The following GRM8 variants were observed in gnomAD, a reference collection of about 807,000 sequenced individuals.
GRM8 encodes glutamate metabotropic receptor 8.
GRM8 carries 47 observed loss-of-function variants against 87.2 expected under a neutral mutation model. The observed-to-expected ratio is 0.54, with a 90% CI of 0.43 to 0.69. GRM8 has a LOEUF of 0.69. Ranked by LOEUF, GRM8 falls within the 30% of genes least tolerant of loss-of-function variation. The probability of loss-of-function intolerance (pLI) is 0.00; values close to 1 mark genes in which losing one functional copy is unlikely to be tolerated. For missense variants in GRM8, 1,019 were observed against 1,139.2 expected (o/e 0.89, Z 1.52); for synonymous variants, 396 against 404.5 (o/e 0.98, Z 0.25).
chr7:126,451,837 G>C (rs907689622), intron 9 of GRM8, among the ~76,000 whole-genome samples: 11 of 151,622 alleles, frequency 7.3e-5, no homozygotes, highest in African/African-American at 2.7e-4. Flanking sequence ...GACCTTTCCT[G>C]AACACACCAT....
At chr7:126,701,685 T>A (rs1272012628) in intron 7 of GRM8, 4 of 511,842 alleles carry the variant, frequency 7.8e-6, no homozygotes, top group African/African-American at 6.0e-5. Context: ...TTGTGAGAAT[T>A]TTTTTTTAGT....
intron 7 of GRM8, among the ~76,000 whole-genome samples, chr7:126,737,073 T>C (rs1183371756): frequency 6.6e-6 from 1 of 152,044 alleles, no homozygotes. Context: ...CTAGACTGCC[T>C]TTGTAGGACT....
At chr7:126,645,068 C>G (rs939515925) in intron 7 of GRM8, among the ~76,000 whole-genome samples, 3 of 152,200 alleles carry the variant, frequency 2.0e-5, no homozygotes, top group Non-Finnish European at 4.4e-5. Context: ...TATAGTTTAA[C>G]TTGAAAGCTA....
chr7:126,610,330 C>G (rs1437705256), intron 7 of GRM8, among the ~76,000 whole-genome samples: 1 of 152,176 alleles, frequency 6.6e-6, no homozygotes, highest in Non-Finnish European at 1.5e-5. Flanking sequence ...CTTTCCTTTT[C>G]TCTAACAGCT....
At chr7:126,993,322 A>G (rs1812858328) in intron 3 of GRM8, among the ~76,000 whole-genome samples, 1 of 152,224 alleles carries the variant, frequency 6.6e-6, no homozygotes, top group African/African-American at 2.4e-5. Context: ...AATGTGGTAT[A>G]TACATACAAT....
chr7:127,220,559 A>C (rs1234643664), intron 2 of GRM8, among the ~76,000 whole-genome samples: 2 of 152,096 alleles, frequency 1.3e-5, no homozygotes, highest in Admixed American at 1.3e-4. Context: ...ATCATGGCTC[A>C]CTATAGCCTC....
chr7:126,471,266 A>G (rs1436383284), intron 9 of GRM8, among the ~76,000 whole-genome samples: 2 of 152,148 alleles, frequency 1.3e-5, no homozygotes, highest in East Asian at 1.9e-4. Flanking sequence ...GTCCTTGCCC[A>G]TGCCTATGTC....
rs778347268 is a variant in GRM8 at position 127,243,048 on chromosome 7, G to A, written c.157C>T (p.Pro53Ser). The change falls in exon 2 of 11, where the codon CCT becomes TCT. Residue 53 changes from proline (P) to serine (S), a missense_variant. Physicochemically the swap from Pro to Ser is moderately conservative, Grantham distance 74. Transcript: ENST00000339582. ...DGDIILGGLF[P>S]VHAKGERGVP... ...CCTCTCTCTCCCTTTGCGTGGACAG[G>A]GAAGAGACCCCCCAAAATAATGTCC... 2 of 1,614,012 alleles carry A rather than the reference G, an allele frequency of 1.2e-6. No homozygotes were observed. Among genetic ancestry groups the A allele is most frequent in the East Asian group, 2.2e-5 (1 of 44,864 alleles).
Position 127,236,738 on chromosome 7 carries a change from ACTT to A in GRM8, c.510+5954_510+5956del, listed in dbSNP as rs1798001335. ...ATACAAGAAAAATAAACAAAATTAT[ACTT>A]CTTTCCTATCTATTCAACACATATT... On this transcript the variant is annotated intron_variant, in intron 2 of 10. Transcript: ENST00000339582. 2.6e-5 allele frequency among the ~76,000 whole-genome samples: 4 copies of A among 152,306 alleles called. No individual in the cohort carries two copies. In the South Asian group the frequency reaches 8.3e-4, roughly 32 times the overall value.
chr7:126,706,553 G>C (rs935646538), intron 7 of GRM8, among the ~76,000 whole-genome samples: 2 of 152,140 alleles, frequency 1.3e-5, no homozygotes, highest in Admixed American at 6.6e-5. Context: ...ATTAGGAAGA[G>C]TAGTCTGCCT....
chr7:126,510,318 A>G (rs1187662976), intron 9 of GRM8, among the ~76,000 whole-genome samples: 1 of 151,908 alleles, frequency 6.6e-6, no homozygotes, highest in Non-Finnish European at 1.5e-5. Context: ...AATGAACTCA[A>G]TATGATTTAA....
At chr7:127,203,567 G>A (rs1405878781) in intron 2 of GRM8, among the ~76,000 whole-genome samples, 1 of 152,130 alleles carries the variant, frequency 6.6e-6, no homozygotes, top group Non-Finnish European at 1.5e-5. Flanking sequence ...AATTAGCCAG[G>A]GATGGTGGTA....
At chr7:126,629,166 A>C (rs1206140856) in intron 7 of GRM8, among the ~76,000 whole-genome samples, 3 of 152,208 alleles carry the variant, frequency 2.0e-5, no homozygotes, top group Non-Finnish European at 2.9e-5. Flanking sequence ...ATGAACCCAG[A>C]CAAAATAGGT....
chr7:126,508,874 TA>T (rs950074890), intron 9 of GRM8, among the ~76,000 whole-genome samples: 46 of 152,212 alleles, frequency 3.0e-4, no homozygotes, highest in African/African-American at 1.1e-3. Flanking sequence ...TCACACTTCA[TA>T]AATCAGTACT....
intron 7 of GRM8, among the ~76,000 whole-genome samples, chr7:126,762,824 A>T (rs1817724967): frequency 6.6e-6 from 1 of 151,932 alleles, no homozygotes; most frequent in Non-Finnish European, 1.5e-5. Context: ...TAAGAAAATA[A>T]GAATTTGATA....
intron 9 of GRM8, among the ~76,000 whole-genome samples, chr7:126,465,522 T>C (rs1256955920): frequency 6.6e-6 from 1 of 151,912 alleles, no homozygotes; most frequent in Non-Finnish European, 1.5e-5. Flanking sequence ...TACTATTTTG[T>C]AGTTTTCGAT....
rs11444825 is a variant in GRM8 at position 126,484,882 on chromosome 7, G to GTT, written c.2431-38512_2431-38511dup. ...ATGGATCTATCGTTAAACGTTTTTT[G>GTT]TTTTTTTTTTTGAAAACTTTTTATT... On this transcript the variant is annotated intron_variant, in intron 9 of 10. Transcript: ENST00000339582. 1.9e-3 allele frequency among the ~76,000 whole-genome samples: 281 copies of GTT among 146,238 alleles called. 2 individuals carry two copies. Among genetic ancestry groups the GTT allele is most frequent in the African/African-American group, 4.7e-3 (187 of 40,076 alleles).
At chr7:127,082,614 C>T (rs1586946900) in intron 3 of GRM8, among the ~76,000 whole-genome samples, 1 of 152,230 alleles carries the variant, frequency 6.6e-6, no homozygotes, top group South Asian at 2.1e-4. Context: ...AACTCTGATC[C>T]CTATTATGAC....
At chr7:126,822,438 CCCTT>C (rs1175274456) in intron 6 of GRM8, among the ~76,000 whole-genome samples, 2 of 150,726 alleles carry the variant, frequency 1.3e-5, no homozygotes, top group East Asian at 1.9e-4. Flanking sequence ...TGCACTCAGG[CCCTT>C]CCTTCCTTCC....
Sources: gnomAD v4.1 joint callset for allele counts (sites outside exome capture counted in the v4.1 genomes callset) on GRCh38, gnomAD v4.1.1 for gene constraint, MANE v1.5 for transcripts, NCBI Gene and HGNC (gene_info 2026-07-23, HGNC 2026-07-21) for gene names.